UNC13C: variants seen among roughly 807,000 people sequenced by gnomAD.
The protein encoded by UNC13C is protein unc-13 homolog C.
UNC13C carries 174 observed loss-of-function variants against 245.4 expected under a neutral mutation model. The ratio of observed to expected loss-of-function variants is 0.71; its 90% CI spans 0.63 to 0.80. UNC13C has a LOEUF of 0.80. UNC13C is among the 30% of genes least tolerant of loss of function. The probability of loss-of-function intolerance (pLI) is 0.00; values close to 1 mark genes in which losing one functional copy is unlikely to be tolerated. For synonymous variants in UNC13C, 992 were observed against 895.1 expected (o/e 1.11, Z -1.93); for missense variants, 2,829 against 2,602.9 (o/e 1.09, Z -1.89).
chr15:54,136,773 C>G (rs2031756654), intron 2 of UNC13C, among the ~76,000 whole-genome samples: 1 of 152,012 alleles, frequency 6.6e-6, no homozygotes, highest in Non-Finnish European at 1.5e-5. Context: ...TGAATTTTGT[C>G]AAGAGCTTTT....
At chr15:54,308,102 A>T (rs1188222517) in intron 13 of UNC13C, among the ~76,000 whole-genome samples, 2 of 151,834 alleles carry the variant, frequency 1.3e-5, no homozygotes, top group East Asian at 3.9e-4. Flanking sequence ...CTGTTCATTG[A>T]TTATTTTTAA....
At chr15:54,512,255 A>G in intron 24 of UNC13C, 1 of 437,022 alleles carries the variant, frequency 2.3e-6, no homozygotes, top group South Asian at 1.6e-5. Context: ...TATTTTTCAC[A>G]TTGAGAAAGC....
Position 54,015,726 on chromosome 15 carries a change from A to G in UNC13C, c.2823A>G (p.Thr941=). The change falls in exon 2 of 33, where the codon ACA becomes ACG. Residue 941 remains threonine (T), a synonymous_variant. Coordinates refer to ENST00000260323, the MANE Select transcript of UNC13C (RefSeq NM_001080534.3). ...SEEGLEPLNE[T]SAEMEIREDE... Reference sequence around the variant, plus strand: ...AGGGGTTAGAACCCTTAAATGAAACATCAGCTGAGATGGAAATAAGAGAAG... The same window carrying G: ...AGGGGTTAGAACCCTTAAATGAAACGTCAGCTGAGATGGAAATAAGAGAAG... 6.2e-7 allele frequency: 1 copy of G among 1,613,606 alleles called. No individual in the cohort carries two copies. Among genetic ancestry groups the G allele is most frequent in the South Asian group, 1.1e-5 (1 of 91,068 alleles).
chr15:53,907,284 T>C, the UNC13C span, among the ~76,000 whole-genome samples: 1 of 152,222 alleles, frequency 6.6e-6, no homozygotes, highest in Non-Finnish European at 1.5e-5. Flanking sequence ...GGTATTAATA[T>C]AGTGAAGTTC....
At chr15:53,926,712 C>T in the UNC13C span, among the ~76,000 whole-genome samples, 4 of 146,688 alleles carry the variant, frequency 2.7e-5, no homozygotes, top group South Asian at 2.3e-4. Context: ...ACAAAGGAAG[C>T]GAGTAACTTG....
chr15:53,984,166 C>CT (rs1198319144), intron 1 of UNC13C, among the ~76,000 whole-genome samples: 1 of 152,072 alleles, frequency 6.6e-6, no homozygotes, highest in African/African-American at 2.4e-5. Context: ...CACTATATTG[C>CT]TTATAAACTA....
At chr15:54,624,045 GA>G in intron 32 of UNC13C, 91 bp downstream of exon 32, 1 of 1,477,238 alleles carries the variant, frequency 6.8e-7, no homozygotes, top group Non-Finnish European at 9.2e-7. Context: ...AAGGGCTAAG[GA>G]AAATGAAGAA....
Position 54,544,314 on chromosome 15 carries a change from T to C in UNC13C, c.5697-2408T>C, listed in dbSNP as rs200927504. ...ACGTATCTCAAAATAATAAGAGCTA[T>C]TTATGACAAACCCACAGCCAATATC... On this transcript the variant is annotated intron_variant, in intron 26 of 32. Transcript: ENST00000260323. Among the ~76,000 whole-genome samples the C allele has an allele frequency of 6.6e-5, 10 of 152,248 alleles. No individual in the cohort carries two copies. In the East Asian group the frequency reaches 1.9e-3, roughly 29 times the overall value.
At chr15:53,985,478 T>C (rs1277091167) in intron 1 of UNC13C, among the ~76,000 whole-genome samples, 2 of 151,956 alleles carry the variant, frequency 1.3e-5, no homozygotes, top group Non-Finnish European at 2.9e-5. Context: ...ATACATGTGT[T>C]ACATATGTAT....
At chr15:53,881,541 T>C in the UNC13C span, among the ~76,000 whole-genome samples, 11 of 152,330 alleles carry the variant, frequency 7.2e-5, no homozygotes, top group African/African-American at 2.6e-4. Flanking sequence ...CTTCAGAGAA[T>C]GAATAGAGGG....
At chr15:54,355,773 A>G (rs2039081787) in intron 17 of UNC13C, among the ~76,000 whole-genome samples, 1 of 152,094 alleles carries the variant, frequency 6.6e-6, no homozygotes, top group South Asian at 2.1e-4. Flanking sequence ...TCCTTCTCAT[A>G]CTTTCCCCAA....
At chr15:54,601,931 C>A (rs1324365336) in intron 30 of UNC13C, among the ~76,000 whole-genome samples, 1 of 152,208 alleles carries the variant, frequency 6.6e-6, no homozygotes, top group Non-Finnish European at 1.5e-5. Context: ...GTCTCTCCCA[C>A]CCACTGCCCC....
intron 10 of UNC13C, among the ~76,000 whole-genome samples, chr15:54,287,132 G>T (rs917188248): frequency 6.6e-6 from 1 of 152,242 alleles, no homozygotes; most frequent in Middle Eastern, 3.4e-3. Flanking sequence ...AAATTATTCA[G>T]TTCAGAAATG....
the UNC13C span, among the ~76,000 whole-genome samples, chr15:53,918,488 C>T: frequency 4.6e-5 from 7 of 152,226 alleles, no homozygotes; most frequent in Admixed American, 4.6e-4. Context: ...AAGTCTCCCA[C>T]TCCCTCAGAC....
chr15:53,840,520 G>A, the UNC13C span, among the ~76,000 whole-genome samples: 4 of 152,114 alleles, frequency 2.6e-5, no homozygotes, highest in African/African-American at 9.7e-5. Context: ...AGGACTGTAA[G>A]ACTTGAGCAG....
chr15:53,970,196 A>G, the UNC13C span, among the ~76,000 whole-genome samples: 846 of 152,032 alleles, frequency 5.6e-3, 9 homozygotes, highest in African/African-American at 0.02. Flanking sequence ...CAGCCTCCCA[A>G]GGAGCTGGGA....
At chr15:54,330,677 C>G (rs2038414330) in intron 14 of UNC13C, among the ~76,000 whole-genome samples, 3 of 152,060 alleles carry the variant, frequency 2.0e-5, no homozygotes, top group Admixed American at 1.3e-4. Flanking sequence ...CCTTTTCTAT[C>G]TGGATTGAGG....
intron 19 of UNC13C, among the ~76,000 whole-genome samples, chr15:54,436,553 T>C (rs763614123): frequency 6.6e-6 from 1 of 151,938 alleles, no homozygotes; most frequent in Non-Finnish European, 1.5e-5. Context: ...CTCAGCAAAC[T>C]AACACAGGAA....
chr15:54,629,043 C>CCAT (rs1236159795), downstream of UNC13C: 8 of 152,100 alleles, frequency 5.3e-5, no homozygotes, highest in African/African-American at 1.7e-4. Context: ...TCCTAAATGC[C>CCAT]CATCAACAGT....
Sources: gnomAD v4.1 joint callset for allele counts (sites outside exome capture counted in the v4.1 genomes callset) on GRCh38, gnomAD v4.1.1 for gene constraint, MANE v1.5 for transcripts, NCBI Gene and HGNC (gene_info 2026-07-23, HGNC 2026-07-21) for gene names.